KAT6A: variants seen among roughly 807,000 people sequenced by gnomAD.
KAT6A encodes the protein histone acetyltransferase KAT6A.
In KAT6A, 9 loss-of-function variants were observed where a neutral mutation model predicts 198.4. The ratio of observed to expected loss-of-function variants is 0.05; its 90% CI spans 0.03 to 0.08. The LOEUF (loss-of-function observed/expected upper bound fraction) is 0.08, where lower values mean the gene tolerates loss of function less well. Ranked by LOEUF, KAT6A falls within the 10% of genes least tolerant of loss-of-function variation. KAT6A has a pLI of 1.00. For missense variants in KAT6A, 2,077 were observed against 2,509.9 expected, an observed-to-expected ratio of 0.83 and a Z score of 3.69; for synonymous variants, 890 against 883.0, an observed-to-expected ratio of 1.01 and a Z score of -0.14.
intron 8 of KAT6A, among the ~76,000 whole-genome samples, chr8:41,970,359 T>C (rs947899069): frequency 2.0e-5 from 3 of 152,116 alleles, no homozygotes; most frequent in Admixed American, 6.5e-5. Context: ...GAAAGAAACA[T>C]AGGATTAGCC....
chr8:41,999,561 C>T (rs781214063), intron 2 of KAT6A, among the ~76,000 whole-genome samples: 3 of 152,160 alleles, frequency 2.0e-5, no homozygotes, highest in Non-Finnish European at 4.4e-5. Context: ...AGTCATTTGC[C>T]TGGCTCAAAA....
chr8:41,951,289 C>CT (rs1240181755), intron 9 of KAT6A, among the ~76,000 whole-genome samples: 1 of 151,886 alleles, frequency 6.6e-6, no homozygotes, highest in Non-Finnish European at 1.5e-5. Context: ...TTAAAAGCTC[C>CT]TTACTTTATT....
rs770044036 is a variant in KAT6A, at chr8:41,934,364, A to G, written c.3856T>C (p.Ser1286Pro). ...TCTAATTCCTGCTGCTCCTCCTCTG[A>G]CTGCCTCTGCTCCTCTGAGACACGG... ...KPRVSEEQRQ[S>P]EEEQQELEEP... The change falls in exon 17 of 17, where the codon TCA (serine) becomes CCA (proline). Residue 1286 changes from serine (S) to proline (P), a missense_variant. Physicochemically the swap from Ser to Pro is moderately conservative, Grantham distance 74. Transcript: ENST00000265713. 2 of 1,613,608 alleles carry G rather than the reference A, an allele frequency of 1.2e-6. No homozygotes were observed. The highest frequency in any genetic ancestry group is 2.2e-5 in the South Asian group (2 of 91,048).
intron 2 of KAT6A, among the ~76,000 whole-genome samples, chr8:42,041,448 C>T (rs565076660): frequency 3.9e-5 from 6 of 152,078 alleles, no homozygotes; most frequent in Admixed American, 6.5e-5. Flanking sequence ...CAGAAATGTA[C>T]GGCATGGGCC....
intron 2 of KAT6A, among the ~76,000 whole-genome samples, chr8:42,037,389 C>T (rs973686591): frequency 6.6e-6 from 1 of 152,166 alleles, no homozygotes; most frequent in Non-Finnish European, 1.5e-5. Context: ...CAGAATCACA[C>T]TCCACACACA....
At chr8:42,044,940 T>G (rs1256171859) in intron 2 of KAT6A, among the ~76,000 whole-genome samples, 4 of 152,252 alleles carry the variant, frequency 2.6e-5, no homozygotes, top group Non-Finnish European at 5.9e-5. Flanking sequence ...CAATTCTGCA[T>G]AGCAACTGAC....
At chr8:42,009,923 AAC>A (rs1432036345) in intron 2 of KAT6A, among the ~76,000 whole-genome samples, 9 of 149,696 alleles carry the variant, frequency 6.0e-5, no homozygotes, top group South Asian at 2.1e-4. Flanking sequence ...AACAAAAAAA[AAC>A]AAAACCACAA....
chr8:42,026,781 G>T (rs1826836360), intron 2 of KAT6A, among the ~76,000 whole-genome samples: 1 of 152,040 alleles, frequency 6.6e-6, no homozygotes, highest in East Asian at 1.9e-4. Flanking sequence ...GAATGCTCCG[G>T]TTGGGATTTC....
intron 3 of KAT6A, among the ~76,000 whole-genome samples, chr8:41,986,456 A>C (rs905329177): frequency 1.4e-4 from 21 of 152,220 alleles, no homozygotes; most frequent in African/African-American, 4.8e-4. Flanking sequence ...TAAATCAAGA[A>C]AGACGAAGTA....
intron 2 of KAT6A, among the ~76,000 whole-genome samples, chr8:42,042,313 C>T (rs568534315): frequency 1.3e-4 from 20 of 152,028 alleles, no homozygotes; most frequent in African/African-American, 2.9e-4. Context: ...AAAAATTAGC[C>T]GGGCATGGTG....
intron 2 of KAT6A, among the ~76,000 whole-genome samples, chr8:42,009,667 G>A (rs1297584694): frequency 2.0e-5 from 3 of 151,806 alleles, no homozygotes; most frequent in African/African-American, 7.3e-5. Flanking sequence ...GGGAGGCTGA[G>A]GTGGGAGGGT....
chr8:41,964,676 G>A (rs1360265562), intron 8 of KAT6A, among the ~76,000 whole-genome samples: 1 of 148,522 alleles, frequency 6.7e-6, no homozygotes, highest in Non-Finnish European at 1.5e-5. Flanking sequence ...CTGGTCCCAA[G>A]CATTTTGGAT....
chr8:41,946,076 G>A (rs1258036627), intron 12 of KAT6A, among the ~76,000 whole-genome samples: 12 of 151,364 alleles, frequency 7.9e-5, no homozygotes, highest in Non-Finnish European at 2.9e-5. Flanking sequence ...TAAAAGGAAC[G>A]TGTGGCTTTA....
Position 41,934,161 on chromosome 8 carries a change from A to C in KAT6A, c.4059T>G (p.Asp1353Glu), listed in dbSNP as rs1314421589. 1 of 1,613,874 alleles carries C rather than the reference A, an allele frequency of 6.2e-7. No individual in the cohort carries two copies. The highest frequency in any genetic ancestry group is 8.5e-7 in the Non-Finnish European group (1 of 1,180,012). ...EEPGVQESFLDANMQKSREKI... is the reference protein window; with the variant it reads ...EEPGVQESFLEANMQKSREKI... ...TTTCCCTACTCTTCTGCATATTAGC[A>C]TCTAAAAAAGACTCTTGAACACCAG... The change falls in exon 17 of 17, where the codon GAT (aspartate) becomes GAG (glutamate). Residue 1353 changes from aspartate (D) to glutamate (E), a missense_variant. Physicochemically the swap from Asp to Glu is conservative, Grantham distance 45. Coordinates refer to ENST00000265713, the MANE Select transcript of KAT6A (RefSeq NM_006766.5).
intron 15 of KAT6A, among the ~76,000 whole-genome samples, chr8:41,938,924 G>A (rs1821972397): frequency 1.4e-5 from 2 of 143,112 alleles, no homozygotes; most frequent in Non-Finnish European, 3.0e-5. Flanking sequence ...CTCCAGCCTA[G>A]GTGACAGAGT....
At chr8:41,938,032 G>A (rs1564008347) in intron 15 of KAT6A, among the ~76,000 whole-genome samples, 1 of 152,198 alleles carries the variant, frequency 6.6e-6, no homozygotes, top group Non-Finnish European at 1.5e-5. Context: ...GCTGTGGAAT[G>A]TAGAAATATG....
At chr8:42,019,267 A>G (rs1008482524) in intron 2 of KAT6A, among the ~76,000 whole-genome samples, 1 of 152,206 alleles carries the variant, frequency 6.6e-6, no homozygotes, top group African/African-American at 2.4e-5. Flanking sequence ...TTATTTTTAT[A>G]TACAACTCCA....
At chr8:41,974,079 A>T (rs1039107362) in intron 8 of KAT6A, among the ~76,000 whole-genome samples, 7 of 151,058 alleles carry the variant, frequency 4.6e-5, no homozygotes, top group African/African-American at 1.7e-4. Flanking sequence ...AAAGAATTGC[A>T]ATTTTTTTTT....
chr8:41,980,984 C>T (rs1316000418), intron 4 of KAT6A, 57 bp from the exon 5 acceptor site: 5 of 1,181,136 alleles, frequency 4.2e-6, no homozygotes, highest in South Asian at 3.7e-5. Flanking sequence ...AAACATGTTA[C>T]GATCATGACT....
Sources: gnomAD v4.1 joint callset for allele counts (sites outside exome capture counted in the v4.1 genomes callset) on GRCh38, gnomAD v4.1.1 for gene constraint, MANE v1.5 for transcripts, NCBI Gene and HGNC (gene_info 2026-07-23, HGNC 2026-07-21) for gene names.